Variants in STARD13 observed in about 807,000 individuals in gnomAD.
STARD13 encodes StAR related lipid transfer domain containing 13.
STARD13 carries 62 observed loss-of-function variants against 106.4 expected under a neutral mutation model. That is an observed-to-expected ratio of 0.58 (90% CI 0.48 to 0.72). The LOEUF (loss-of-function observed/expected upper bound fraction) is 0.72, where lower values mean the gene tolerates loss of function less well. Among genes scored for constraint, STARD13 ranks in the 30% least tolerant of loss-of-function variants. STARD13 has a pLI of 0.00. For synonymous variants in STARD13, 565 were observed against 553.0 expected, an observed-to-expected ratio of 1.02 and a Z score of -0.31; for missense variants, 1,387 against 1,424.0, an observed-to-expected ratio of 0.97 and a Z score of 0.42.
intron 1 of STARD13, among the ~76,000 whole-genome samples, chr13:33,247,999 A>T (rs1019844864): frequency 6.6e-6 from 1 of 152,236 alleles, no homozygotes; most frequent in Non-Finnish European, 1.5e-5. Flanking sequence ...ACTGCACTTG[A>T]AGACTCAATG....
the STARD13 span, among the ~76,000 whole-genome samples, chr13:33,651,462 G>A: frequency 0.014 from 2,066 of 152,244 alleles, 62 homozygotes; most frequent in African/African-American, 0.047. Flanking sequence ...TCTAATCCAA[G>A]CATAGTAATT....
intron 1 of STARD13, among the ~76,000 whole-genome samples, chr13:33,242,112 C>T (rs563746145): frequency 5.3e-5 from 8 of 152,068 alleles, no homozygotes; most frequent in South Asian, 2.1e-4. Context: ...TCTGCCCCGC[C>T]GCCACCCCAT....
At chr13:33,270,500 C>A (rs973646616) in intron 1 of STARD13, among the ~76,000 whole-genome samples, 3 of 152,152 alleles carry the variant, frequency 2.0e-5, no homozygotes, top group Admixed American at 2.0e-4. Flanking sequence ...ACATTGATTA[C>A]TTTTTCCTCA....
chr13:33,665,897 A>G, the STARD13 span, among the ~76,000 whole-genome samples: 3 of 152,278 alleles, frequency 2.0e-5, no homozygotes, highest in East Asian at 5.8e-4. Context: ...GGAAGATCCT[A>G]AGTCAATGTC....
the STARD13 span, among the ~76,000 whole-genome samples, chr13:33,488,375 C>T: frequency 3.3e-5 from 5 of 152,126 alleles, no homozygotes; most frequent in African/African-American, 4.8e-5. Context: ...TCTACCCTTC[C>T]GATTTAGAAG....
chr13:33,354,241 C>T (rs1042282788), upstream of STARD13, among the ~76,000 whole-genome samples: 1 of 152,132 alleles, frequency 6.6e-6, no homozygotes, highest in African/African-American at 2.4e-5. Context: ...AAAAAGAGTC[C>T]CATTTGAAAG....
the STARD13 span, among the ~76,000 whole-genome samples, chr13:33,583,480 C>CT: frequency 5.9e-5 from 9 of 151,934 alleles, no homozygotes; most frequent in East Asian, 1.2e-3. Context: ...CGTCTTAGAC[C>CT]TTTTTTTTGG....
the STARD13 span, among the ~76,000 whole-genome samples, chr13:33,591,597 A>G: frequency 6.6e-6 from 1 of 152,182 alleles, no homozygotes; most frequent in Non-Finnish European, 1.5e-5. Context: ...CAAATTTAAC[A>G]TTCCTTATTT....
At chr13:33,614,892 T>C in the STARD13 span, among the ~76,000 whole-genome samples, 2 of 152,144 alleles carry the variant, frequency 1.3e-5, no homozygotes, top group Non-Finnish European at 2.9e-5. Flanking sequence ...ACCGATCACA[T>C]GGGGCCTGGC....
chr13:33,224,920 C>T (rs1297384232), intron 1 of STARD13, among the ~76,000 whole-genome samples: 3 of 152,110 alleles, frequency 2.0e-5, no homozygotes, highest in South Asian at 2.1e-4. Flanking sequence ...TACATCATCC[C>T]GTTCTTTTCA....
At chr13:33,598,035 T>C in the STARD13 span, among the ~76,000 whole-genome samples, 4 of 152,198 alleles carry the variant, frequency 2.6e-5, no homozygotes, top group Admixed American at 1.3e-4. Flanking sequence ...CAAGAGCTTA[T>C]TAATCATGTC....
the STARD13 span, among the ~76,000 whole-genome samples, chr13:33,634,773 C>T: frequency 6.6e-6 from 1 of 152,098 alleles, no homozygotes; most frequent in Non-Finnish European, 1.5e-5. Flanking sequence ...GTTGAATTAC[C>T]CCACTGACAG....
chr13:33,155,992 C>T (rs1881916054), intron 3 of STARD13, among the ~76,000 whole-genome samples: 1 of 152,200 alleles, frequency 6.6e-6, no homozygotes, highest in Admixed American at 6.5e-5. Context: ...GATATACATG[C>T]TACAGTTAAT....
At chr13:33,179,803 T>C (rs761808463) in intron 1 of STARD13, among the ~76,000 whole-genome samples, 3 of 152,202 alleles carry the variant, frequency 2.0e-5, no homozygotes, top group Non-Finnish European at 4.4e-5. Context: ...TTGGATAAGA[T>C]GACCAGGAAA....
chr13:33,431,900 T>C, the STARD13 span, among the ~76,000 whole-genome samples: 25 of 152,298 alleles, frequency 1.6e-4, no homozygotes, highest in East Asian at 4.4e-3. Context: ...ACAGGGGCAA[T>C]GACGGAACCA....
the STARD13 span, among the ~76,000 whole-genome samples, chr13:33,600,593 C>T: frequency 4.6e-5 from 7 of 152,070 alleles, no homozygotes; most frequent in East Asian, 3.9e-4. Flanking sequence ...GAAAGGTATA[C>T]GGTATTCCTA....
the STARD13 span, among the ~76,000 whole-genome samples, chr13:33,420,391 C>T: frequency 6.6e-6 from 1 of 152,296 alleles, no homozygotes; most frequent in East Asian, 1.9e-4. Context: ...ATCAATTCAA[C>T]AAGAAGAGCT....
intron 3 of STARD13, among the ~76,000 whole-genome samples, chr13:33,143,739 G>A (rs898814913): frequency 6.6e-5 from 10 of 152,110 alleles, no homozygotes; most frequent in Non-Finnish European, 8.8e-5. Context: ...TTTTAATAGA[G>A]ATGGGGTTTC....
In STARD13 at chr13:33,129,067, TC is replaced by T. The variant is rs772802762; in HGVS notation, c.1609del (p.Glu537LysfsTer19). ...CCGACCTTCTGAGACAGAGTTACCT[TC>T]AAAATCTAAGGTGATCTGATTAGGA... is the stretch of plus-strand genomic sequence containing the variant. Reference protein sequence around the residue: ...PSPNQITLDFEGNSVSEGRTT... With the variant: ...PSPNQITLDFXGNSVSEGRTT... On this transcript the variant is annotated frameshift_variant, in exon 5 of 14. Transcript: ENST00000336934. LOFTEE classifies it high-confidence loss of function. 1 of 1,614,066 alleles carries T rather than the reference TC, an allele frequency of 6.2e-7. No homozygotes were observed. Among genetic ancestry groups the T allele is most frequent in the South Asian group, 1.1e-5 (1 of 91,060 alleles).
Sources: allele counts gnomAD v4.1 joint callset (sites outside exome capture counted in the v4.1 genomes callset), GRCh38; gene constraint gnomAD v4.1.1; transcripts MANE v1.5; gene names NCBI Gene and HGNC (gene_info 2026-07-23, HGNC 2026-07-21).